STXBP5L: variants seen among roughly 807,000 people sequenced by gnomAD.
STXBP5L encodes syntaxin binding protein 5L, also known as syntaxin-binding protein 5-like.
STXBP5L carries 65 observed loss-of-function variants against 144.5 expected under a neutral mutation model. That is an observed-to-expected ratio of 0.45 (90% CI 0.37 to 0.55). The LOEUF (loss-of-function observed/expected upper bound fraction) is 0.55, where lower values mean the gene tolerates loss of function less well. STXBP5L is among the 20% of genes least tolerant of loss of function. The pLI is 0.00. For missense variants in STXBP5L, 1,298 were observed against 1,405.5 expected, an observed-to-expected ratio of 0.92 and a Z score of 1.22; for synonymous variants, 505 against 469.6, an observed-to-expected ratio of 1.08 and a Z score of -0.97.
intron 3 of STXBP5L, among the ~76,000 whole-genome samples, chr3:121,033,564 A>T (rs1946527934): frequency 2.1e-5 from 2 of 94,934 alleles, no homozygotes; most frequent in South Asian, 7.7e-4. Flanking sequence ...TAAAACTTAA[A>T]GTACAATTAA....
At chr3:120,973,908 A>C (rs1477488316) in intron 3 of STXBP5L, among the ~76,000 whole-genome samples, 1 of 152,174 alleles carries the variant, frequency 6.6e-6, no homozygotes, top group African/African-American at 2.4e-5. Context: ...TCCATGGTGT[A>C]TATATGCCAC....
chr3:120,921,997 G>A (rs1709381961), intron 2 of STXBP5L, among the ~76,000 whole-genome samples: 1 of 151,762 alleles, frequency 6.6e-6, no homozygotes, highest in Non-Finnish European at 1.5e-5. Context: ...GTGTTTCTGT[G>A]AAGAAACATT....
At chr3:121,150,001 G>T (rs1486038316) in intron 7 of STXBP5L, among the ~76,000 whole-genome samples, 1 of 151,776 alleles carries the variant, frequency 6.6e-6, no homozygotes, top group Non-Finnish European at 1.5e-5. Flanking sequence ...AGGCATTTTT[G>T]TTCAGTTCTG....
At chr3:121,387,745 T>A (rs2046461611) in intron 22 of STXBP5L, among the ~76,000 whole-genome samples, 5 of 152,206 alleles carry the variant, frequency 3.3e-5, no homozygotes, top group African/African-American at 1.2e-4. Context: ...AAGCCTCTGT[T>A]CTGTTCCATT....
intron 5 of STXBP5L, among the ~76,000 whole-genome samples, chr3:121,112,180 G>A (rs529089652): frequency 6.6e-6 from 1 of 152,188 alleles, no homozygotes; most frequent in African/African-American, 2.4e-5. Flanking sequence ...AATGATGGCA[G>A]CTGCCCCTCC....
intron 10 of STXBP5L, among the ~76,000 whole-genome samples, chr3:121,218,186 ATATAG>A (rs569653890): frequency 2.1e-3 from 295 of 142,154 alleles, no homozygotes; most frequent in African/African-American, 7.3e-3. Context: ...ATATAGTATG[ATATAG>A]TATATATATT....
chr3:121,313,945 T>C (rs2043672563), intron 19 of STXBP5L, among the ~76,000 whole-genome samples: 1 of 148,996 alleles, frequency 6.7e-6, no homozygotes, highest in South Asian at 2.2e-4. Flanking sequence ...GAAGCGCTCC[T>C]CACATCCCAG....
intron 14 of STXBP5L, among the ~76,000 whole-genome samples, chr3:121,247,213 GTC>G (rs1255199348): frequency 6.6e-6 from 1 of 152,158 alleles, no homozygotes; most frequent in Non-Finnish European, 1.5e-5. Flanking sequence ...TGATATATGT[GTC>G]TGTTTTTCAC....
intron 11 of STXBP5L, among the ~76,000 whole-genome samples, chr3:121,224,290 T>G (rs969091826): frequency 1.3e-5 from 2 of 152,206 alleles, no homozygotes; most frequent in Non-Finnish European, 2.9e-5. Flanking sequence ...GTTCCACTAT[T>G]ATATGTATTA....
intron 20 of STXBP5L, among the ~76,000 whole-genome samples, chr3:121,322,495 A>G (rs993854842): frequency 1.4e-5 from 2 of 144,998 alleles, no homozygotes; most frequent in Admixed American, 1.4e-4. Flanking sequence ...AAAAAAAAAG[A>G]CATGACTTTC....
intron 3 of STXBP5L, among the ~76,000 whole-genome samples, chr3:121,003,806 G>T (rs941885374): frequency 6.6e-6 from 1 of 152,258 alleles, no homozygotes; most frequent in South Asian, 2.1e-4. Context: ...TTATTAAATA[G>T]GGAATCCTTT....
intron 3 of STXBP5L, among the ~76,000 whole-genome samples, chr3:120,979,370 T>C (rs963581793): frequency 6.6e-6 from 1 of 152,192 alleles, no homozygotes; most frequent in Non-Finnish European, 1.5e-5. Context: ...GATATAATCT[T>C]CTGGTGCACC....
At chr3:121,294,876 A>G (rs2051586430) in intron 19 of STXBP5L, among the ~76,000 whole-genome samples, 1 of 152,186 alleles carries the variant, frequency 6.6e-6, no homozygotes, top group Non-Finnish European at 1.5e-5. Context: ...TAGGTTCAGA[A>G]AAGTGATTAG....
rs949159876 is a variant in STXBP5L, at chr3:120,941,791, A to G, written c.190-13149A>G. On this transcript the variant is annotated intron_variant, in intron 2 of 26. Transcript: ENST00000471454. ...CAAATGGAAGGCATGATGTCTGTTT[A>G]TAAAGGAGTTTAGAACTTATTTGGG... Among the ~76,000 whole-genome samples, 5 of 151,852 alleles carry G rather than the reference A, an allele frequency of 3.3e-5. No homozygotes were observed. The East Asian group carries it at 9.7e-4, about 29-fold the overall frequency.
In STXBP5L at chr3:121,366,801, T is replaced by C. The variant is rs149331371; in HGVS notation, c.2177-11915T>C. 3.4e-4 allele frequency among the ~76,000 whole-genome samples: 51 copies of C among 150,636 alleles called. No individual in the cohort carries two copies. In the East Asian group the frequency reaches 9.1e-3, roughly 27 times the overall value. On this transcript the variant is annotated intron_variant, in intron 20 of 26. Coordinates refer to ENST00000471454, the MANE Select transcript of STXBP5L (RefSeq NM_001308330.2). ...TATGATTTCTCTTCTATAGGCCTTA[T>C]AGCTTTTTTGTACTCCATTTTTTTA...
chr3:120,935,085 T>C (rs79017406), intron 2 of STXBP5L, among the ~76,000 whole-genome samples: 15,021 of 151,792 alleles, frequency 0.099, 1,173 homozygotes, highest in Admixed American at 0.2. Context: ...TTTTTGGTCT[T>C]ATACTCTTTT....
chr3:121,280,724 G>A (rs1372371696), intron 19 of STXBP5L, among the ~76,000 whole-genome samples: 2 of 151,750 alleles, frequency 1.3e-5, no homozygotes, highest in African/African-American at 4.8e-5. Flanking sequence ...TAGGCCAAAA[G>A]GTTGCAGATG....
At chr3:121,264,624 C>G (rs2050494910) in intron 18 of STXBP5L, among the ~76,000 whole-genome samples, 1 of 151,972 alleles carries the variant, frequency 6.6e-6, no homozygotes, top group South Asian at 2.1e-4. Context: ...TTACACATAA[C>G]AATATTAACC....
chr3:120,970,100 A>ATTT (rs1408543047), intron 3 of STXBP5L, among the ~76,000 whole-genome samples: 2 of 152,014 alleles, frequency 1.3e-5, no homozygotes, highest in African/African-American at 4.8e-5. Context: ...CAATAATTTG[A>ATTT]TTTATTGGTG....
Sources: gnomAD v4.1 joint callset for allele counts (sites outside exome capture counted in the v4.1 genomes callset) on GRCh38, gnomAD v4.1.1 for gene constraint, MANE v1.5 for transcripts, NCBI Gene and HGNC (gene_info 2026-07-23, HGNC 2026-07-21) for gene names.